The following GAS7 variants were observed in gnomAD, a reference collection of about 807,000 sequenced individuals.
GAS7 encodes growth arrest specific 7, also known as growth arrest-specific protein 7.
GAS7 carries 28 observed loss-of-function variants against 71.1 expected under a neutral mutation model. The observed-to-expected ratio is 0.39, with a 90% CI of 0.29 to 0.54. The LOEUF (loss-of-function observed/expected upper bound fraction) is 0.54, where lower values mean the gene tolerates loss of function less well. GAS7 is among the 20% of genes least tolerant of loss of function. GAS7 has a pLI of 0.62. For missense variants in GAS7, 436 were observed against 627.8 expected (o/e 0.69, Z 3.27); for synonymous variants, 258 against 245.8 (o/e 1.05, Z -0.46).
chr17:9,989,782 C>T lies in GAS7; in HGVS notation c.305-7898G>A, dbSNP rs967224376. On this transcript the variant is annotated intron_variant, in intron 2 of 13. Coordinates refer to ENST00000432992, the MANE Select transcript of GAS7 (RefSeq NM_201433.2). ...ATGTATTATGTATCTATTGTTACAT[C>T]GCAAATTACCCCCAATTTAACAGTT... 3.9e-5 allele frequency among the ~76,000 whole-genome samples: 6 copies of T among 152,280 alleles called. 1 individual carries two copies. Among genetic ancestry groups the T allele is most frequent in the Admixed American group, 6.5e-5 (1 of 15,298 alleles).
intron 1 of GAS7, among the ~76,000 whole-genome samples, chr17:10,126,035 C>T (rs1403190922): frequency 6.6e-6 from 1 of 152,154 alleles, no homozygotes; most frequent in African/African-American, 2.4e-5. Context: ...TGTTCCCTGG[C>T]CCCCATCGCA....
chr17:10,153,462 G>A (rs770977005), intron 1 of GAS7, among the ~76,000 whole-genome samples: 37 of 148,854 alleles, frequency 2.5e-4, no homozygotes, highest in Non-Finnish European at 4.9e-4. Context: ...GTTGCAGTGA[G>A]CTGAGATCAT....
At chr17:10,040,355 A>G (rs1307895567) in intron 1 of GAS7, among the ~76,000 whole-genome samples, 1 of 152,166 alleles carries the variant, frequency 6.6e-6, no homozygotes, top group Non-Finnish European at 1.5e-5. Context: ...GGTGAGAAAT[A>G]TAGTAGTGAA....
intron 1 of GAS7, among the ~76,000 whole-genome samples, chr17:10,163,092 T>C (rs1263694594): frequency 6.6e-6 from 1 of 152,202 alleles, no homozygotes; most frequent in Non-Finnish European, 1.5e-5. Context: ...TCAGAAACCC[T>C]GTCTCTACAA....
intron 1 of GAS7, among the ~76,000 whole-genome samples, chr17:10,178,989 G>T (rs541373082): frequency 6.6e-6 from 1 of 151,976 alleles, no homozygotes; most frequent in Non-Finnish European, 1.5e-5. Flanking sequence ...TAGTCGACTG[G>T]CTGAGAGAAC....
intron 1 of GAS7, chr17:10,020,244 T>A (rs1005370904): frequency 4.5e-6 from 1 of 223,688 alleles, no homozygotes; most frequent in South Asian, 1.3e-4. Flanking sequence ...CTCCACCACC[T>A]CCCATTGTGA....
At chr17:10,068,623 G>A (rs1466158777) in intron 1 of GAS7, among the ~76,000 whole-genome samples, 1 of 151,658 alleles carries the variant, frequency 6.6e-6, no homozygotes, top group African/African-American at 2.4e-5. Flanking sequence ...AATTAGCCAG[G>A]CATGGTGGCA....
chr17:10,166,114 C>T (rs1466961994), intron 1 of GAS7, among the ~76,000 whole-genome samples: 1 of 152,058 alleles, frequency 6.6e-6, no homozygotes, highest in Admixed American at 6.6e-5. Flanking sequence ...CCTCAAGCTC[C>T]TGAGCTTCAA....
intron 13 of GAS7, among the ~76,000 whole-genome samples, chr17:9,917,778 CGT>C (rs1269286607): frequency 2.0e-5 from 3 of 152,234 alleles, no homozygotes; most frequent in African/African-American, 7.2e-5. Flanking sequence ...TAACAGCTCA[CGT>C]GTGTGTCCAC....
rs1015438809 is a variant in GAS7 at position 10,059,733 on chromosome 17, G to A, written c.184-39836C>T. ...GTCCTTATGCAAATCTGACACGCTG[G>A]TCATTTTCTGCCACCATCCCCACAT... On this transcript the variant is annotated intron_variant, in intron 1 of 13. Transcript: ENST00000432992. 152 of 985,204 alleles carry A rather than the reference G, an allele frequency of 1.5e-4. No homozygotes were observed. In the South Asian group the frequency reaches 2.6e-3, roughly 17 times the overall value. 61.0% of individuals were successfully genotyped at this position (985,204 alleles called of 1,614,324 possible).
intron 1 of GAS7, among the ~76,000 whole-genome samples, chr17:10,078,254 G>A (rs1261508138): frequency 6.6e-6 from 1 of 152,054 alleles, no homozygotes; most frequent in Non-Finnish European, 1.5e-5. Context: ...ACCATGCCTG[G>A]CTAATTTTTG....
At chr17:9,923,999 G>T (rs1052327865) in intron 11 of GAS7, among the ~76,000 whole-genome samples, 1 of 152,112 alleles carries the variant, frequency 6.6e-6, no homozygotes, top group Non-Finnish European at 1.5e-5. Context: ...TGAAAAAGAG[G>T]TATTTCCAAG....
rs1232477534 is a variant in GAS7, at chr17:9,981,679, C to G, written c.385+125G>C. On this transcript the variant is annotated intron_variant, in intron 3 of 13. Coordinates refer to ENST00000432992, the MANE Select transcript of GAS7 (RefSeq NM_201433.2). The surrounding 1 kb of genome is among the most constrained non-coding windows in gnomAD (Gnocchi z 4.4). The stretch of plus-strand genomic sequence containing the variant: ...CAGGCCTAAGGGACCCTCTCCCAGG[C>G]CCAACCCCTCCCTGGGTTTGCTACA... The G allele has an allele frequency of 4.4e-6, 3 of 678,486 alleles. No individual in the cohort carries two copies. The highest frequency in any genetic ancestry group is 8.0e-6 in the Non-Finnish European group (3 of 374,772). 42.0% of individuals were successfully genotyped at this position (678,486 alleles called of 1,614,324 possible).
At chr17:10,027,796 G>A (rs1397163058) in intron 1 of GAS7, among the ~76,000 whole-genome samples, 1 of 152,184 alleles carries the variant, frequency 6.6e-6, no homozygotes, top group African/African-American at 2.4e-5. Flanking sequence ...TACTCAGGAG[G>A]TTTGCTTGAG....
chr17:10,025,761 G>A (rs1597717849), intron 1 of GAS7, among the ~76,000 whole-genome samples: 1 of 152,292 alleles, frequency 6.6e-6, no homozygotes, highest in East Asian at 1.9e-4. Flanking sequence ...CAGCCTGGGA[G>A]GCTGCATTTG....
At chr17:10,094,369 A>G (rs1318511695) in intron 1 of GAS7, among the ~76,000 whole-genome samples, 1 of 152,214 alleles carries the variant, frequency 6.6e-6, no homozygotes, top group African/African-American at 2.4e-5. Context: ...AAGAGTTAAA[A>G]GAATACAGGT....
chr17:10,196,368 T>C (rs969640163), intron 1 of GAS7, among the ~76,000 whole-genome samples: 2 of 152,192 alleles, frequency 1.3e-5, no homozygotes, highest in Admixed American at 6.5e-5. Context: ...GAACTGGTGA[T>C]AACGTGCACA....
In GAS7 at chr17:10,040,188, C is replaced by T. The variant is rs78642295; in HGVS notation, c.184-20291G>A. On this transcript the variant is annotated intron_variant, in intron 1 of 13. Coordinates refer to ENST00000432992, the MANE Select transcript of GAS7 (RefSeq NM_201433.2). ...TAACAGAGGAAAACAGAGGCTCCTG[C>T]GAGAGATTGGGCAGGATGGGTCAGA... is the stretch of plus-strand genomic sequence containing the variant. Among the ~76,000 whole-genome samples, 8 of 152,204 alleles carry T rather than the reference C, an allele frequency of 5.3e-5. No homozygotes were observed. The East Asian group carries it at 5.8e-4, about 11-fold the overall frequency.
At chr17:10,001,784 C>T (rs1319734205) in intron 2 of GAS7, among the ~76,000 whole-genome samples, 1 of 152,110 alleles carries the variant, frequency 6.6e-6, no homozygotes, top group Non-Finnish European at 1.5e-5. Context: ...TTTTTTAAGT[C>T]CCTCTTTTCT....
Sources: allele counts gnomAD v4.1 joint callset (sites outside exome capture counted in the v4.1 genomes callset), GRCh38; gene constraint gnomAD v4.1.1; non-coding constraint Gnocchi (gnomAD v3.1); transcripts MANE v1.5; gene names NCBI Gene and HGNC (gene_info 2026-07-23, HGNC 2026-07-21).